The following RBMS3 variants were observed in gnomAD, a reference collection of about 807,000 sequenced individuals.
RBMS3 encodes RNA-binding motif, single-stranded-interacting protein 3.
Under a neutral mutation model 66.8 loss-of-function variants are expected in RBMS3, and 27 were observed. The ratio of observed to expected loss-of-function variants is 0.40; its 90% CI spans 0.30 to 0.56. RBMS3 has a LOEUF of 0.56. RBMS3 is among the 20% of genes least tolerant of loss of function. RBMS3 has a pLI of 0.40. For missense variants in RBMS3, 513 were observed against 549.5 expected (o/e 0.93, Z 0.66); for synonymous variants, 188 against 183.0 (o/e 1.03, Z -0.22).
intron 3 of RBMS3, among the ~76,000 whole-genome samples, chr3:29,515,633 C>T (rs1343889177): frequency 2.0e-5 from 3 of 152,204 alleles, no homozygotes; most frequent in South Asian, 2.1e-4. Flanking sequence ...TTTTTCACAC[C>T]GCATAAGAAG....
At chr3:29,417,885 T>G (rs2040542548) in intron 1 of RBMS3, among the ~76,000 whole-genome samples, 1 of 152,168 alleles carries the variant, frequency 6.6e-6, no homozygotes, top group African/African-American at 2.4e-5. Flanking sequence ...CAATACTCTA[T>G]TATATTTTGG....
chr3:29,624,658 C>T (rs1048184251), intron 4 of RBMS3, among the ~76,000 whole-genome samples: 15 of 152,062 alleles, frequency 9.9e-5, no homozygotes, highest in Admixed American at 1.3e-4. Context: ...TTATGTTTCT[C>T]ATAGTTATAT....
chr3:29,512,688 C>T (rs1242396300), intron 3 of RBMS3, among the ~76,000 whole-genome samples: 3 of 152,116 alleles, frequency 2.0e-5, no homozygotes, highest in Non-Finnish European at 2.9e-5. Context: ...CAAAAAGCGG[C>T]GGTGGTACAG....
intron 4 of RBMS3, chr3:29,697,164 G>A (rs2052318103): frequency 1.1e-6 from 1 of 930,906 alleles, no homozygotes; most frequent in Non-Finnish European, 1.3e-6. Flanking sequence ...CTAAGTTTGG[G>A]AAAATTTTAA....
At chr3:29,704,330 A>T (rs200965038) in intron 4 of RBMS3, among the ~76,000 whole-genome samples, 1 of 45,310 alleles carries the variant, frequency 2.2e-5, no homozygotes, top group Non-Finnish European at 5.6e-5. Flanking sequence ...AATCAAACAC[A>T]TGTGTGTATT....
intron 2 of RBMS3, among the ~76,000 whole-genome samples, chr3:29,469,315 C>T (rs566975966): frequency 6.6e-6 from 1 of 152,038 alleles, no homozygotes; most frequent in African/African-American, 2.4e-5. Flanking sequence ...GAAATGTGTT[C>T]TGCATGCTTC....
intron 1 of RBMS3, among the ~76,000 whole-genome samples, chr3:29,303,422 G>A (rs916283518): frequency 6.6e-6 from 1 of 151,988 alleles, no homozygotes; most frequent in Non-Finnish European, 1.5e-5. Context: ...AATGTAGAGT[G>A]AGAATCCATT....
rs924420584 is a variant in RBMS3, at chr3:29,697,030, T to C, written c.400-42690T>C. 44 of 985,124 alleles carry C rather than the reference T, an allele frequency of 4.5e-5. 1 individual carries two copies. Among genetic ancestry groups the C allele is most frequent in the African/African-American group, 1.7e-5 (1 of 57,212 alleles). The allele number at this position is 985,124 out of a possible 1,614,324, so 61.0% of individuals were successfully genotyped here. A position where few individuals can be genotyped will look rare whatever the true frequency, so the allele number is the denominator to read the frequency against. On this transcript the variant is annotated intron_variant, in intron 4 of 14. Transcript: ENST00000383767. The stretch of plus-strand genomic sequence containing the variant: ...TGCTACAAAGGAGGACAACAGAGAT[T>C]ATCCAGCCAGAGAAGTTCTTACATA...
rs576317747 is a variant in RBMS3, at chr3:29,811,628, T to A, written c.637+48639T>A. Among the ~76,000 whole-genome samples the A allele has an allele frequency of 5.9e-5, 9 of 152,154 alleles. No individual in the cohort carries two copies. In the East Asian group the frequency reaches 1.7e-3, roughly 29 times the overall value. On this transcript the variant is annotated intron_variant, in intron 6 of 14. Coordinates refer to ENST00000383767, the MANE Select transcript of RBMS3 (RefSeq NM_001003793.3). ...TTCAAAACTTGTTCCCTCTCCCCCA[T>A]TATTCCCTCCAGTTTTTTTCTCTCC...
intron 2 of RBMS3, among the ~76,000 whole-genome samples, chr3:29,463,949 A>G (rs564882042): frequency 5.4e-4 from 82 of 152,260 alleles, no homozygotes; most frequent in Middle Eastern, 3.4e-3. Context: ...TGAAGATACA[A>G]TTCAGAATTG....
At chr3:29,628,150 G>C (rs2049140546) in intron 4 of RBMS3, among the ~76,000 whole-genome samples, 1 of 152,084 alleles carries the variant, frequency 6.6e-6, no homozygotes, top group Admixed American at 6.6e-5. Flanking sequence ...TGTTATGAGA[G>C]GGAACTCTTG....
chr3:29,911,038 T>C (rs1342024018), intron 10 of RBMS3, among the ~76,000 whole-genome samples: 1 of 152,054 alleles, frequency 6.6e-6, no homozygotes, highest in African/African-American at 2.4e-5. Flanking sequence ...TGTTCATCTA[T>C]GGTTAACAGT....
At chr3:29,610,362 A>G (rs373923761) in intron 4 of RBMS3, among the ~76,000 whole-genome samples, 35 of 152,140 alleles carry the variant, frequency 2.3e-4, no homozygotes, top group East Asian at 1.9e-3. Context: ...AGGCCTATGG[A>G]TAAGACTGAC....
chr3:29,503,776 C>T (rs1471182541), intron 3 of RBMS3, among the ~76,000 whole-genome samples: 1 of 152,038 alleles, frequency 6.6e-6, no homozygotes, highest in Non-Finnish European at 1.5e-5. Flanking sequence ...AGCTGAAGAT[C>T]GTTTGCAATA....
intron 5 of RBMS3, among the ~76,000 whole-genome samples, chr3:29,749,384 TATTTGCAAA>T (rs1261618361): frequency 6.6e-6 from 1 of 152,236 alleles, no homozygotes; most frequent in Non-Finnish European, 1.5e-5. Context: ...CTGATCAATT[TATTTGCAAA>T]ATAAGTTTTA....
At chr3:29,465,627 T>C (rs1030773250) in intron 2 of RBMS3, among the ~76,000 whole-genome samples, 2 of 151,896 alleles carry the variant, frequency 1.3e-5, no homozygotes, top group South Asian at 4.2e-4. Flanking sequence ...TAGGCTCTGG[T>C]ATCTATATAC....
At chr3:29,880,986 G>A (rs766019841) in intron 7 of RBMS3, among the ~76,000 whole-genome samples, 14 of 151,496 alleles carry the variant, frequency 9.2e-5, no homozygotes, top group Non-Finnish European at 1.6e-4. Context: ...CACTCTTTAA[G>A]TATATAATGT....
At chr3:29,921,254 G>C (rs1002611855) in intron 10 of RBMS3, among the ~76,000 whole-genome samples, 1 of 151,808 alleles carries the variant, frequency 6.6e-6, no homozygotes, top group Non-Finnish European at 1.5e-5. Context: ...AATAGAGACA[G>C]GGTTTCTCCA....
intron 6 of RBMS3, among the ~76,000 whole-genome samples, chr3:29,828,977 A>ACTTT (rs368382303): frequency 0.065 from 6,403 of 97,940 alleles, 221 homozygotes; most frequent in African/African-American, 0.073. Flanking sequence ...TTAGCGAGTG[A>ACTTT]CTTTCTTTCT....
Sources: gnomAD v4.1 joint callset for allele counts (sites outside exome capture counted in the v4.1 genomes callset) on GRCh38, gnomAD v4.1.1 for gene constraint, MANE v1.5 for transcripts, NCBI Gene and HGNC (gene_info 2026-07-23, HGNC 2026-07-21) for gene names.